The following TTC29 variants were observed in gnomAD, a reference collection of about 807,000 sequenced individuals.
TTC29 encodes tetratricopeptide repeat protein 29.
In TTC29, 49 loss-of-function variants were observed where a neutral mutation model predicts 58.1. The observed-to-expected ratio is 0.84, with a 90% confidence interval of 0.67 to 1.07. The LOEUF (loss-of-function observed/expected upper bound fraction) is 1.07. Among genes scored for constraint, TTC29 ranks in the 50% least tolerant of loss-of-function variants. The pLI is 0.00. For missense variants in TTC29, 582 were observed against 555.6 expected, an observed-to-expected ratio of 1.05 and a Z score of -0.48; for synonymous variants, 209 against 196.8, an observed-to-expected ratio of 1.06 and a Z score of -0.52.
chr4:146,782,601 A>G (rs1379039013), intron 11 of TTC29, among the ~76,000 whole-genome samples: 1 of 151,954 alleles, frequency 6.6e-6, no homozygotes, highest in Non-Finnish European at 1.5e-5. Context: ...TAAGAAGTAG[A>G]TGATAGTGAC....
intron 11 of TTC29, among the ~76,000 whole-genome samples, chr4:146,745,386 C>T (rs918667872): frequency 6.6e-6 from 1 of 152,228 alleles, no homozygotes; most frequent in African/African-American, 2.4e-5. Flanking sequence ...GAGGCTGGCA[C>T]ATGATTCTGA....
intron 11 of TTC29, among the ~76,000 whole-genome samples, chr4:146,785,608 C>A (rs757001436): frequency 6.6e-6 from 1 of 151,694 alleles, no homozygotes; most frequent in African/African-American, 2.4e-5. Context: ...CTTAGAGAAC[C>A]TTCTTTTCCC....
At chr4:146,776,499 T>C (rs1313127215) in intron 11 of TTC29, among the ~76,000 whole-genome samples, 3 of 151,972 alleles carry the variant, frequency 2.0e-5, no homozygotes, top group Non-Finnish European at 4.4e-5. Context: ...TTGGTTTCAG[T>C]TGGGTTCAAT....
intron 9 of TTC29, among the ~76,000 whole-genome samples, chr4:146,831,024 G>A (rs1371968962): frequency 1.3e-5 from 2 of 152,100 alleles, no homozygotes; most frequent in Admixed American, 6.5e-5. Flanking sequence ...GAAATAATAT[G>A]TGGAGGCTTG....
intron 6 of TTC29, 104 bp downstream of exon 6, chr4:146,903,440 C>T: frequency 2.9e-6 from 3 of 1,050,928 alleles, no homozygotes; most frequent in Non-Finnish European, 4.0e-6. Context: ...CATGATTATG[C>T]TGAAATCTCA....
At chr4:146,936,443 C>A (rs928524342) in intron 4 of TTC29, among the ~76,000 whole-genome samples, 19 of 152,032 alleles carry the variant, frequency 1.2e-4, no homozygotes, top group Non-Finnish European at 2.9e-5. Flanking sequence ...ATATATTTTT[C>A]TTTTAAGAAG....
chr4:146,756,801 T>G (rs2150055988), intron 11 of TTC29, among the ~76,000 whole-genome samples: 1 of 152,140 alleles, frequency 6.6e-6, no homozygotes, highest in South Asian at 2.1e-4. Context: ...ACTTTCTTTC[T>G]TCTACTTGTT....
At chr4:146,942,614 A>G in intron 2 of TTC29, 1 of 1,533,690 alleles carries the variant, frequency 6.5e-7, no homozygotes, top group African/African-American at 1.4e-5. Context: ...TTTTCCACAG[A>G]GTTCCAGAGT....
At chr4:146,772,693 CT>C (rs1360913777) in intron 11 of TTC29, among the ~76,000 whole-genome samples, 1 of 151,964 alleles carries the variant, frequency 6.6e-6, no homozygotes, top group Non-Finnish European at 1.5e-5. Flanking sequence ...TTAGGATTGT[CT>C]TGGCTGTTTA....
intron 6 of TTC29, among the ~76,000 whole-genome samples, chr4:146,901,025 T>C (rs1258901435): frequency 7.0e-6 from 1 of 143,646 alleles, no homozygotes. Flanking sequence ...TGATTTATTC[T>C]ATGACTTCTT....
At chr4:146,712,386 A>G (rs1457469838) in intron 11 of TTC29, among the ~76,000 whole-genome samples, 1 of 152,136 alleles carries the variant, frequency 6.6e-6, no homozygotes, top group African/African-American at 2.4e-5. Context: ...TAAGTCCTTG[A>G]GCTGTGTTCC....
intron 11 of TTC29, among the ~76,000 whole-genome samples, chr4:146,796,530 T>C (rs1050056978): frequency 3.9e-5 from 6 of 152,106 alleles, no homozygotes; most frequent in Admixed American, 3.3e-4. Context: ...ATAATAATAA[T>C]GTCAACATCA....
chr4:146,889,344 T>C (rs969628946), intron 6 of TTC29, among the ~76,000 whole-genome samples: 1 of 152,150 alleles, frequency 6.6e-6, no homozygotes, highest in Admixed American at 6.6e-5. Flanking sequence ...TTTCTAAAAT[T>C]AGCTAGTTTT....
At chr4:146,813,520 C>T (rs1237080206) in intron 10 of TTC29, among the ~76,000 whole-genome samples, 2 of 152,034 alleles carry the variant, frequency 1.3e-5, no homozygotes, top group Non-Finnish European at 2.9e-5. Flanking sequence ...AAAGGTAACT[C>T]CAATATTTTT....
chr4:146,814,953 C>T (rs910879506), intron 10 of TTC29, among the ~76,000 whole-genome samples: 33 of 151,954 alleles, frequency 2.2e-4, no homozygotes, highest in African/African-American at 7.7e-4. Context: ...AATGTCAATT[C>T]GCTATGGTGG....
intron 8 of TTC29, among the ~76,000 whole-genome samples, chr4:146,848,993 C>T (rs1453267000): frequency 6.6e-6 from 1 of 152,166 alleles, no homozygotes; most frequent in Non-Finnish European, 1.5e-5. Flanking sequence ...TCTTGTTCTT[C>T]TTGCTTGAAT....
chr4:146,736,761 G>A (rs369326166), intron 11 of TTC29, among the ~76,000 whole-genome samples: 1 of 152,170 alleles, frequency 6.6e-6, no homozygotes. Flanking sequence ...TGATGTCTGA[G>A]CAATGCTGTC....
intron 11 of TTC29, among the ~76,000 whole-genome samples, chr4:146,736,154 A>G (rs1744694547): frequency 6.6e-6 from 1 of 152,064 alleles, no homozygotes; most frequent in Non-Finnish European, 1.5e-5. Flanking sequence ...GCCTGGAACG[A>G]TAGTCAAGCA....
chr4:146,750,672 G>A (rs1207914430), intron 11 of TTC29, among the ~76,000 whole-genome samples: 1 of 152,060 alleles, frequency 6.6e-6, no homozygotes, highest in African/African-American at 2.4e-5. Context: ...CAGATTATAA[G>A]ATTTTTAAAT....
Sources: gnomAD v4.1 joint callset for allele counts (sites outside exome capture counted in the v4.1 genomes callset) on GRCh38, gnomAD v4.1.1 for gene constraint, MANE v1.5 for transcripts, NCBI Gene and HGNC (gene_info 2026-07-23, HGNC 2026-07-21) for gene names.